MPP7: variants seen among roughly 807,000 people sequenced by gnomAD.
MPP7 encodes the protein MAGUK p55 subfamily member 7.
A neutral mutation model predicts 76.5 loss-of-function variants in MPP7; 60 were observed. The ratio of observed to expected loss-of-function variants is 0.78; its 90% CI spans 0.64 to 0.97. The LOEUF (loss-of-function observed/expected upper bound fraction) is 0.97. Ranked by LOEUF, MPP7 falls within the 50% of genes least tolerant of loss-of-function variation. The probability of loss-of-function intolerance (pLI) is 0.00; values close to 1 mark genes in which losing one functional copy is unlikely to be tolerated. For missense variants in MPP7, 641 were observed against 694.0 expected (o/e 0.92, Z 0.86); for synonymous variants, 237 against 244.5 (o/e 0.97, Z 0.29).
chr10:28,317,642 A>G (rs982730283), intron 2 of MPP7, among the ~76,000 whole-genome samples: 3 of 152,228 alleles, frequency 2.0e-5, no homozygotes, highest in Admixed American at 6.5e-5. Flanking sequence ...AAATAAAACC[A>G]TATTAAAGGA....
intron 1 of MPP7, among the ~76,000 whole-genome samples, chr10:28,244,660 T>C (rs1336782654): frequency 6.6e-6 from 1 of 152,146 alleles, no homozygotes; most frequent in Non-Finnish European, 1.5e-5. Flanking sequence ...AAGAATCCTA[T>C]AAACCTTTAA....
intron 2 of MPP7, among the ~76,000 whole-genome samples, chr10:28,226,288 C>G (rs933311300): frequency 1.3e-5 from 2 of 151,842 alleles, no homozygotes; most frequent in Non-Finnish European, 2.9e-5. Flanking sequence ...ACTCTGTCAC[C>G]CAGGCTGGAG....
intron 3 of MPP7, among the ~76,000 whole-genome samples, chr10:28,171,804 C>G (rs1360332269): frequency 6.6e-6 from 1 of 152,144 alleles, no homozygotes; most frequent in Non-Finnish European, 1.5e-5. Flanking sequence ...TTTGTATAGT[C>G]TTTCTACACA....
At position 28,058,566 on chromosome 10, in the gene MPP7, C is replaced by G; in HGVS notation, c.1336G>C (p.Gly446Arg). The change falls in exon 15 of 17, where the codon GGC (glycine) becomes CGC (arginine). Residue 446 changes from glycine (G) to arginine (R), a missense_variant. Transcript: ENST00000683449. ...EYGEYKNNYY[G>R]TSIDSVRSVL... Reference sequence around the variant, plus strand: ...GACCGAACTGAGTCTATACTTGTGCCGTAGTAGTTGTTTTTATATTCTCCA... The same window carrying G: ...GACCGAACTGAGTCTATACTTGTGCGGTAGTAGTTGTTTTTATATTCTCCA... 1 of 1,600,488 alleles carries G rather than the reference C, an allele frequency of 6.2e-7. No individual in the cohort carries two copies. Among genetic ancestry groups the G allele is most frequent in the Non-Finnish European group, 8.5e-7 (1 of 1,172,652 alleles).
chr10:28,266,552 A>T (rs1840155899), intron 1 of MPP7, among the ~76,000 whole-genome samples: 1 of 152,182 alleles, frequency 6.6e-6, no homozygotes, highest in South Asian at 2.1e-4. Context: ...CCTGGGTGAC[A>T]GAGTGAGACC....
In MPP7 at chr10:28,054,162, TTTA is replaced by T. The variant is rs1278659204; in HGVS notation, c.1631_1633del (p.Ile544del). The T allele has an allele frequency of 6.8e-6, 11 of 1,608,242 alleles. No individual in the cohort carries two copies. The Admixed American group carries it at 8.3e-5, about 12-fold the overall frequency. ...ATTGAATGCCACAGTGAGGTCATCA[TTTA>T]TTATAATTTTGTCAAAAAGATGACC... On this transcript the variant is annotated inframe_deletion, in exon 17 of 17. Transcript: ENST00000683449.
chr10:28,144,862 T>C (rs1380792044), intron 5 of MPP7, among the ~76,000 whole-genome samples: 2 of 152,052 alleles, frequency 1.3e-5, no homozygotes, highest in Non-Finnish European at 2.9e-5. Flanking sequence ...CTCTATAATC[T>C]GCATCCATAG....
At chr10:28,080,708 A>C (rs532096510) in intron 12 of MPP7, among the ~76,000 whole-genome samples, 16 of 152,302 alleles carry the variant, frequency 1.1e-4, no homozygotes, top group Non-Finnish European at 2.1e-4. Flanking sequence ...AATATTTAAG[A>C]TTGGCCAACG....
At chr10:28,259,882 C>G (rs1480211070) in intron 1 of MPP7, among the ~76,000 whole-genome samples, 1 of 151,514 alleles carries the variant, frequency 6.6e-6, no homozygotes, top group Non-Finnish European at 1.5e-5. Context: ...GCTCAGGAGG[C>G]TGAGGTGGGA....
chr10:28,152,591 G>T (rs76317384), intron 3 of MPP7, among the ~76,000 whole-genome samples: 3 of 152,186 alleles, frequency 2.0e-5, no homozygotes, highest in African/African-American at 7.2e-5. Context: ...CACTGGCCAC[G>T]TGTGGCTTTT....
intron 3 of MPP7, among the ~76,000 whole-genome samples, chr10:28,180,394 T>C (rs1049734203): frequency 1.3e-5 from 2 of 152,208 alleles, no homozygotes. Flanking sequence ...GAGATGCATG[T>C]CTATCAAAGA....
intron 3 of MPP7, among the ~76,000 whole-genome samples, chr10:28,152,975 C>G (rs185868766): frequency 6.6e-6 from 1 of 152,028 alleles, no homozygotes; most frequent in African/African-American, 2.4e-5. Context: ...CACTTCAGAC[C>G]GAGTGTGGTG....
chr10:28,290,773 C>G (rs1353947802), intron 1 of MPP7, among the ~76,000 whole-genome samples: 3 of 151,926 alleles, frequency 2.0e-5, no homozygotes, highest in Admixed American at 2.0e-4. Flanking sequence ...ACGCCCGGCC[C>G]CAATCAGTTT....
chr10:28,093,496 G>A (rs1853418226), intron 11 of MPP7, among the ~76,000 whole-genome samples: 1 of 150,112 alleles, frequency 6.7e-6, no homozygotes, highest in East Asian at 2.0e-4. Context: ...GCTCAGGCTG[G>A]AGTGCAGTGG....
At chr10:28,262,658 A>G (rs1204530386) in intron 1 of MPP7, among the ~76,000 whole-genome samples, 1 of 152,138 alleles carries the variant, frequency 6.6e-6, no homozygotes. Flanking sequence ...AAAAAGCTGC[A>G]CCTATTCTAA....
At chr10:28,250,914 A>T (rs76035292) in intron 1 of MPP7, among the ~76,000 whole-genome samples, 1,579 of 152,356 alleles carry the variant, frequency 0.01, 29 homozygotes, top group East Asian at 0.07. Context: ...AAAGTCATAC[A>T]GTCTTTTTCA....
chr10:28,089,707 G>A lies in MPP7; in HGVS notation c.1087C>T (p.Gln363Ter). Residue 363 changes from glutamine to a stop codon, truncating the protein, a stop_gained, in exon 12 of 17, where the codon CAA (glutamine) becomes TAA (stop). Transcript: ENST00000683449. LOFTEE classifies it high-confidence loss of function. Reference protein sequence around the residue: ...TYEEVTPYRRQTNEKYRLVVL... With the variant: ...TYEEVTPYRR ...ACGAGTCTGTATTTTTCATTAGTTT[G>A]TCGCCGATACGGTGTCACTTCTTCG... 6.2e-7 allele frequency: 1 copy of A among 1,613,582 alleles called. No individual in the cohort carries two copies. The highest frequency in any genetic ancestry group is 2.2e-5 in the East Asian group (1 of 44,870).
chr10:28,088,940 A>G (rs1002384084), intron 12 of MPP7, among the ~76,000 whole-genome samples: 3 of 152,088 alleles, frequency 2.0e-5, no homozygotes, highest in African/African-American at 7.2e-5. Flanking sequence ...CAGTGGCGCG[A>G]TCTTGGCTCA....
At chr10:28,311,009 C>CTTTG (rs55930350) in intron 2 of MPP7, among the ~76,000 whole-genome samples, 54,135 of 151,726 alleles carry the variant, frequency 0.36, 9,865 homozygotes, top group South Asian at 0.54. Context: ...ATGTCAGGGG[C>CTTTG]TTTGACTTAT....
Sources: allele counts gnomAD v4.1 joint callset (sites outside exome capture counted in the v4.1 genomes callset), GRCh38; gene constraint gnomAD v4.1.1; transcripts MANE v1.5; gene names NCBI Gene and HGNC (gene_info 2026-07-23, HGNC 2026-07-21).